The following GSDMD variants were observed in gnomAD, a reference collection of about 807,000 sequenced individuals.
The protein encoded by GSDMD is gasdermin-D.
Under a neutral mutation model 46.7 loss-of-function variants are expected in GSDMD, and 46 were observed. That is an observed-to-expected ratio of 0.99 (90% CI 0.78 to 1.26). The LOEUF is 1.26. GSDMD is among the 50% of genes most tolerant of loss of function. The probability of loss-of-function intolerance (pLI) is 0.00; values close to 1 mark genes in which losing one functional copy is unlikely to be tolerated. For missense variants in GSDMD, 649 were observed against 638.8 expected (o/e 1.02, Z -0.17); for synonymous variants, 307 against 283.1 (o/e 1.08, Z -0.85).
upstream of GSDMD, among the ~76,000 whole-genome samples, chr8:143,554,690 C>T (rs544930767): frequency 6.6e-6 from 1 of 151,638 alleles, no homozygotes; most frequent in South Asian, 2.1e-4. Flanking sequence ...TCAACACGCA[C>T]GTGCAAGCAC....
Position 143,560,930 on chromosome 8 carries a change from G to GGCACCCGGCCC in GSDMD, c.580-64_580-54dup, listed in dbSNP as rs1485913327. 2.1e-6 allele frequency: 3 copies of GGCACCCGGCCC among 1,437,316 alleles called. No homozygotes were observed. The African/African-American group carries it at 4.3e-5, about 21-fold the overall frequency. The allele number at this position is 1,437,316 out of a possible 1,614,324, so 89.0% of individuals were successfully genotyped here. A position where few individuals can be genotyped will look rare whatever the true frequency, so the allele number is the denominator to read the frequency against. On this transcript the variant is annotated intron_variant, in intron 4 of 10. Transcript: ENST00000262580. ...GTCACCTGGCGGCGGGCCTGCCCCC[G>GGCACCCGGCCC]GCACCCGGCCCGCACCCGCACCCCA...
chr8:143,561,166 G>A, intron 5 of GSDMD, 62 bp downstream of exon 5: 1 of 1,495,810 alleles, frequency 6.7e-7, no homozygotes, highest in Non-Finnish European at 9.2e-7. Context: ...GAGGCCTGGG[G>A]AGAGCTACCC....
At position 143,560,711 on chromosome 8, in the gene GSDMD, G is replaced by A. The variant is rs112103340; in HGVS notation, c.519G>A (p.Thr173=). 0.032 allele frequency: 50,993 copies of A among 1,578,056 alleles called. 1,019 individuals are homozygous for A. The highest frequency in any genetic ancestry group is 0.062 in the Middle Eastern group (372 of 5,994). Residue 173 remains threonine (T), a synonymous_variant, in exon 4 of 11, where the codon ACG becomes ACA. Coordinates refer to ENST00000262580, the MANE Select transcript of GSDMD (RefSeq NM_024736.7). Reference sequence around the variant, plus strand: ...AGACACAGAAGGAGGTGGAAGTCACGCGCACCCACAAGCGGGAGGGCTCGG... The same window carrying A: ...AGACACAGAAGGAGGTGGAAGTCACACGCACCCACAAGCGGGAGGGCTCGG... ...VLQTQKEVEV[T]RTHKREGSGR...
chr8:143,562,443 C>T lies in GSDMD; in HGVS notation c.1139-5C>T, dbSNP rs1273103106. The T allele has an allele frequency of 3.7e-6, 6 of 1,607,236 alleles. No individual in the cohort carries two copies. The highest frequency in any genetic ancestry group is 2.7e-5 in the African/African-American group (2 of 75,004). On this transcript the variant is annotated splice_region_variant and splice_polypyrimidine_tract_variant and intron_variant, in intron 9 of 10. Coordinates refer to ENST00000262580, the MANE Select transcript of GSDMD (RefSeq NM_024736.7). Reference sequence around the variant, plus strand: ...GAAACCCCCTTTTACCTGACTCTCTCCCAGTGCTGAGTGAAACGCAGCACA... The same window carrying T: ...GAAACCCCCTTTTACCTGACTCTCTTCCAGTGCTGAGTGAAACGCAGCACA...
At chr8:143,557,340 A>AGGATGCTGCCGCTGTGACGAC (rs1823322499), upstream of GSDMD, among the ~76,000 whole-genome samples, 2 of 140,692 alleles carry the variant, frequency 1.4e-5, no homozygotes, top group East Asian at 2.0e-4. Context: ...GCTATGGTGA[A>AGGATGCTGCCGCTGTGACGAC]GGATGCTGCC....
chr8:143,554,319 C>T (rs1257797420), upstream of GSDMD, among the ~76,000 whole-genome samples: 3 of 152,284 alleles, frequency 2.0e-5, no homozygotes, highest in Admixed American at 6.5e-5. Flanking sequence ...GGCAAATGCA[C>T]GTGTACATGC....
intron 3 of GSDMD, 28 bp downstream of exon 3, chr8:143,559,997 A>G: frequency 6.3e-7 from 1 of 1,593,562 alleles, no homozygotes; most frequent in Middle Eastern, 1.7e-4. Flanking sequence ...AGGGCAGGGC[A>G]GGGCCCCACC....
Position 143,559,915 on chromosome 8 carries a change from A to G in GSDMD, c.356A>G (p.Asn119Ser). Residue 119 changes from asparagine to serine, a missense_variant, in exon 3 of 11, where the codon AAT becomes AGT. Asn to Ser is a conservative substitution (Grantham distance 46, BLOSUM62 1). Transcript: ENST00000262580. ...AVSDSSSTSM[N>S]VYSLSVDPNT... ...TCTGACAGCTCCAGCACCTCAATGA[A>G]TGTGTACTCGCTGAGTGTGGACCCT... The G allele has an allele frequency of 1.9e-6, 3 of 1,612,726 alleles. No homozygotes were observed. In the South Asian group the frequency reaches 3.3e-5, roughly 18 times the overall value.
In GSDMD at chr8:143,561,346, TGTCTGCTCCC is replaced by T; in HGVS notation, c.683-18_683-9del. The stretch of plus-strand genomic sequence containing the variant: ...GGGATCTAGGTGACATGCCTGTCCC[TGTCTGCTCCC>T]GTCTGGCTGCCAGACGTCCTTCTCT... On this transcript the variant is annotated splice_polypyrimidine_tract_variant and intron_variant, in intron 5 of 10. Coordinates refer to ENST00000262580, the MANE Select transcript of GSDMD (RefSeq NM_024736.7). 1 of 1,592,032 alleles carries T rather than the reference TGTCTGCTCCC, an allele frequency of 6.3e-7. No individual in the cohort carries two copies. Among genetic ancestry groups the T allele is most frequent in the Non-Finnish European group, 8.6e-7 (1 of 1,168,238 alleles).
upstream of GSDMD, among the ~76,000 whole-genome samples, chr8:143,557,333 ATGGTGAAGGATGCTGCCGCTT>A (rs1369052961): frequency 0.012 from 549 of 45,046 alleles, 22 homozygotes; most frequent in African/African-American, 0.035. Flanking sequence ...TGCTGCCGCT[ATGGTGAAGGATGCTGCCGCTT>A]TGGCGAAGGA....
intron 6 of GSDMD, 150 bp from the exon 7 acceptor site, chr8:143,561,592 G>A (rs530257511): frequency 1.1e-6 from 1 of 903,404 alleles, no homozygotes; most frequent in Admixed American, 2.3e-5. Flanking sequence ...AGCTGACCCT[G>A]GGCCTCCCCA....
rs769255867 is a variant in GSDMD, at chr8:143,562,697, G to A, written c.1248G>A (p.Gln416=). The A allele has an allele frequency of 6.2e-7, 1 of 1,602,544 alleles. No individual in the cohort carries two copies. Among genetic ancestry groups the A allele is most frequent in the Non-Finnish European group, 8.5e-7 (1 of 1,174,962 alleles). ...GSLLEQSAPW[Q]ERSTMSLPPG... is the part of the protein sequence containing the mutation. ...TCTTGGAGCAGAGTGCCCCGTGGCA[G>A]GAGCGCAGCACCATGTCCCTGCCCC... Residue 416 remains glutamine, a synonymous_variant, in exon 11 of 11, where the codon CAG becomes CAA. Coordinates refer to ENST00000262580, the MANE Select transcript of GSDMD (RefSeq NM_024736.7).
At chr8:143,559,280 T>TTGCCCCCCCCC in intron 1 of GSDMD, 52 bp from the exon 2 acceptor site, 1 of 579,430 alleles carries the variant, frequency 1.7e-6, no homozygotes, top group Non-Finnish European at 3.2e-6. Flanking sequence ...CTTCTCCCAC[T>TTGCCCCCCCCC]CCCTCCCGCC....
upstream of GSDMD, among the ~76,000 whole-genome samples, chr8:143,556,682 C>T (rs370599694): frequency 4.2e-4 from 64 of 152,118 alleles, 1 homozygote; most frequent in East Asian, 0.011. Context: ...CATCCACAAC[C>T]GCGGAGCGGC....
At position 143,562,005 on chromosome 8, in the gene GSDMD, A is replaced by G. The variant is rs141951599; in HGVS notation, c.870A>G (p.Leu290=). The G allele has an allele frequency of 7.5e-6, 12 of 1,605,934 alleles. No individual in the cohort carries two copies. Among genetic ancestry groups the G allele is most frequent in the Non-Finnish European group, 1.0e-5 (12 of 1,178,692 alleles). Residue 290 remains leucine, a synonymous_variant, in exon 8 of 11, where the codon CTA becomes CTG. Transcript: ENST00000262580. ...CGTTCACTGAAGACTTCCAGGGCCT[A>G]CGGGCAGAGGTGGAGACCATCTCCA... ...EGAFTEDFQG[L]RAEVETISKE...
chr8:143,559,627 C>G, intron 2 of GSDMD, 75 bp downstream of exon 2: 1 of 1,482,872 alleles, frequency 6.7e-7, no homozygotes. Context: ...GCCAACCATC[C>G]ACTGGGCTCT....
At chr8:143,557,883 C>A (rs61173420), upstream of GSDMD, 5,207 of 436,832 alleles carry the variant, frequency 0.012, 215 homozygotes, top group African/African-American at 0.093. Context: ...CGGCACAGGC[C>A]CAAAGTTGTT....
At chr8:143,554,592 C>T (rs1312121116), upstream of GSDMD, among the ~76,000 whole-genome samples, 1 of 151,144 alleles carries the variant, frequency 6.6e-6, no homozygotes, top group Non-Finnish European at 1.5e-5. Flanking sequence ...CACGTGCATA[C>T]ACGCGCACAA....
chr8:143,562,040 A>G lies in GSDMD; in HGVS notation c.905A>G (p.Glu302Gly). 1 of 1,600,096 alleles carries G rather than the reference A, an allele frequency of 6.2e-7. No individual in the cohort carries two copies. The highest frequency in any genetic ancestry group is 8.5e-7 in the Non-Finnish European group (1 of 1,177,604). Residue 302 changes from glutamate (E) to glycine (G), a missense_variant, in exon 8 of 11, where the codon GAG becomes GGG. Coordinates refer to ENST00000262580, the MANE Select transcript of GSDMD (RefSeq NM_024736.7). ...GTGGAGACCATCTCCAAGGAACTGG[A>G]GCTTTTGGACAGAGAGCTGTGCCAG... The part of the protein sequence containing the change: ...AEVETISKEL[E>G]LLDRELCQLL...
Sources: allele counts gnomAD v4.1 joint callset (sites outside exome capture counted in the v4.1 genomes callset), GRCh38; gene constraint gnomAD v4.1.1; transcripts MANE v1.5; gene names NCBI Gene and HGNC (gene_info 2026-07-23, HGNC 2026-07-21).